The following KHDRBS3 variants were observed in gnomAD, a reference collection of about 807,000 sequenced individuals.
KHDRBS3 encodes the protein KH domain-containing, RNA-binding, signal transduction-associated protein 3.
A neutral mutation model predicts 45.6 loss-of-function variants in KHDRBS3; 23 were observed. That is an observed-to-expected ratio of 0.50 (90% CI 0.36 to 0.72). The LOEUF (loss-of-function observed/expected upper bound fraction) is 0.72, where lower values mean the gene tolerates loss of function less well. Among genes scored for constraint, KHDRBS3 ranks in the 30% least tolerant of loss-of-function variants. The pLI is 0.00. For missense variants in KHDRBS3, 352 were observed against 424.8 expected, an observed-to-expected ratio of 0.83 and a Z score of 1.51; for synonymous variants, 162 against 156.5, an observed-to-expected ratio of 1.04 and a Z score of -0.26.
intron 1 of KHDRBS3, among the ~76,000 whole-genome samples, chr8:135,472,232 C>G (rs1391977591): frequency 1.3e-5 from 2 of 152,196 alleles, no homozygotes; most frequent in Non-Finnish European, 2.9e-5. Context: ...GGCTCTGGTA[C>G]TCAGACTCAG....
At chr8:135,545,002 A>G (rs1481524385) in intron 3 of KHDRBS3, among the ~76,000 whole-genome samples, 1 of 151,918 alleles carries the variant, frequency 6.6e-6, no homozygotes, top group Non-Finnish European at 1.5e-5. Context: ...TTAATTCTCA[A>G]ACTGTCTAAG....
chr8:135,532,186 A>T (rs910898294), intron 2 of KHDRBS3, among the ~76,000 whole-genome samples: 7 of 152,198 alleles, frequency 4.6e-5, no homozygotes, highest in African/African-American at 1.7e-4. Context: ...CTACACTGAT[A>T]TAATTCAAAT....
At chr8:135,622,945 C>T (rs1184627512) in intron 7 of KHDRBS3, among the ~76,000 whole-genome samples, 4 of 152,226 alleles carry the variant, frequency 2.6e-5, no homozygotes, top group Non-Finnish European at 4.4e-5. Flanking sequence ...GCAGCCTTCC[C>T]GGCCTTCCTG....
intron 5 of KHDRBS3, among the ~76,000 whole-genome samples, chr8:135,581,107 G>A (rs996990419): frequency 2.3e-4 from 35 of 152,194 alleles, no homozygotes; most frequent in African/African-American, 6.5e-4. Context: ...TGATCTGTAG[G>A]CAGCCAGCCT....
chr8:135,482,868 AT>A (rs1194100498), intron 1 of KHDRBS3, among the ~76,000 whole-genome samples: 1 of 152,134 alleles, frequency 6.6e-6, no homozygotes, highest in Non-Finnish European at 1.5e-5. Flanking sequence ...TAAATGAAGT[AT>A]TTGTGAAGCA....
At chr8:135,515,403 G>A (rs77328638) in intron 1 of KHDRBS3, among the ~76,000 whole-genome samples, 501 of 69,042 alleles carry the variant, frequency 7.3e-3, no homozygotes, top group South Asian at 0.019. Context: ...AAAAAAAAAA[G>A]ATTCCCTGTG....
At chr8:135,601,563 A>G (rs1053619206) in intron 6 of KHDRBS3, among the ~76,000 whole-genome samples, 14 of 152,224 alleles carry the variant, frequency 9.2e-5, no homozygotes, top group South Asian at 6.2e-4. Context: ...TGAGTCTGAC[A>G]TGTAGACTGG....
At chr8:135,597,152 G>T in intron 6 of KHDRBS3, among the ~76,000 whole-genome samples, 1 of 152,164 alleles carries the variant, frequency 6.6e-6, no homozygotes, top group Non-Finnish European at 1.5e-5. Context: ...GTCAAGACTT[G>T]CTCTCTGATT....
intron 4 of KHDRBS3, 94 bp from the exon 5 acceptor site, chr8:135,557,354 C>A (rs1024147044): frequency 3.3e-6 from 2 of 610,650 alleles, no homozygotes; most frequent in African/African-American, 1.9e-5. Flanking sequence ...TTTTCCTAAC[C>A]CTTTTTTCTA....
intron 5 of KHDRBS3, among the ~76,000 whole-genome samples, chr8:135,575,622 T>C (rs555446120): frequency 2.6e-5 from 4 of 152,280 alleles, no homozygotes; most frequent in Admixed American, 2.0e-4. Context: ...CAGGCCACCA[T>C]AGCTGCAAGA....
chr8:135,581,175 G>A (rs986452983), intron 5 of KHDRBS3, among the ~76,000 whole-genome samples: 1 of 152,186 alleles, frequency 6.6e-6, no homozygotes, highest in Non-Finnish European at 1.5e-5. Flanking sequence ...TGCTGTGTCT[G>A]TATTCTCTGG....
At chr8:135,641,798 A>G (rs1453340830) in intron 7 of KHDRBS3, among the ~76,000 whole-genome samples, 1 of 152,240 alleles carries the variant, frequency 6.6e-6, no homozygotes, top group Non-Finnish European at 1.5e-5. Context: ...CTCAATTTCA[A>G]TTCTCAAGAC....
intron 4 of KHDRBS3, chr8:135,549,473 ACTGT>A (rs1322242208): frequency 2.6e-5 from 4 of 152,212 alleles, no homozygotes; most frequent in African/African-American, 7.2e-5. Flanking sequence ...TTAAAAATTG[ACTGT>A]CTGTTTTAAC....
At chr8:135,511,546 T>G (rs2130583767) in intron 1 of KHDRBS3, among the ~76,000 whole-genome samples, 1 of 151,802 alleles carries the variant, frequency 6.6e-6, no homozygotes, top group South Asian at 2.1e-4. Flanking sequence ...TTTTTGTTTG[T>G]TTGTTGTTGT....
At chr8:135,560,693 C>T (rs1827127143) in intron 5 of KHDRBS3, among the ~76,000 whole-genome samples, 1 of 152,152 alleles carries the variant, frequency 6.6e-6, no homozygotes, top group South Asian at 2.1e-4. Context: ...ACTCATCCCT[C>T]GTGATTACAG....
In KHDRBS3 at chr8:135,622,070, G is replaced by A. The variant is rs141345826; in HGVS notation, c.890+15033G>A. 3.7e-4 allele frequency among the ~76,000 whole-genome samples: 56 copies of A among 152,104 alleles called. No individual in the cohort carries two copies. In the East Asian group the frequency reaches 7.7e-3, roughly 21 times the overall value. On this transcript the variant is annotated intron_variant, in intron 7 of 8. Transcript: ENST00000355849. The stretch of plus-strand genomic sequence containing the variant: ...TACTGCAGCCCACGTGATATTTTCC[G>A]TATAATTACATGCTCTCATAATACC...
chr8:135,479,876 T>C (rs1822478094), intron 1 of KHDRBS3, among the ~76,000 whole-genome samples: 1 of 152,206 alleles, frequency 6.6e-6, no homozygotes, highest in Non-Finnish European at 1.5e-5. Context: ...TACACATCAG[T>C]ATCTCTTATG....
At chr8:135,555,983 G>A (rs1245903585) in intron 4 of KHDRBS3, among the ~76,000 whole-genome samples, 1 of 152,174 alleles carries the variant, frequency 6.6e-6, no homozygotes, top group Admixed American at 6.5e-5. Flanking sequence ...AGAACGTGCG[G>A]TATTTGGTTT....
intron 6 of KHDRBS3, among the ~76,000 whole-genome samples, chr8:135,594,880 G>A (rs1432929322): frequency 6.6e-6 from 1 of 152,198 alleles, no homozygotes; most frequent in African/African-American, 2.4e-5. Flanking sequence ...CTAGCAGTGG[G>A]TAATTCCTCA....
Sources: gnomAD v4.1 joint callset for allele counts (sites outside exome capture counted in the v4.1 genomes callset) on GRCh38, gnomAD v4.1.1 for gene constraint, MANE v1.5 for transcripts, NCBI Gene and HGNC (gene_info 2026-07-23, HGNC 2026-07-21) for gene names.